Variants in KANSL3 observed in about 807,000 individuals in gnomAD.
KANSL3 encodes KAT8 regulatory NSL complex subunit 3.
KANSL3 carries 16 observed loss-of-function variants against 89.2 expected under a neutral mutation model. The observed-to-expected ratio is 0.18, with a 90% CI of 0.12 to 0.27. The LOEUF is 0.27. KANSL3 is among the 10% of genes least tolerant of loss of function. The pLI is 1.00. For missense variants in KANSL3, 879 were observed against 1,110.6 expected (o/e 0.79, Z 2.96); for synonymous variants, 385 against 419.7 (o/e 0.92, Z 1.01).
rs1411044211 is a variant in KANSL3 at position 96,602,809 on chromosome 2, T to C, written c.2203A>G (p.Ile735Val). The C allele has an allele frequency of 6.2e-7, 1 of 1,613,016 alleles. No homozygotes were observed. Among genetic ancestry groups the C allele is most frequent in the Non-Finnish European group, 8.5e-7 (1 of 1,179,404 alleles). Residue 735 changes from isoleucine (I) to valine (V), a missense_variant, in exon 18 of 21, where the codon ATC (isoleucine) becomes GTC (valine). This residue lies in a region of KANSL3 where 89 missense variants were observed against 139.7 expected (regional missense o/e 0.64). Coordinates refer to ENST00000431828, the MANE Select transcript of KANSL3 (RefSeq NM_001115016.3). Reference protein sequence around the residue: ...LQGLSFSLQDISSKTSGLPAN... With the variant: ...LQGLSFSLQDVSSKTSGLPAN... ...GGAAGGCCAGAGGTCTTGCTGCTGA[T>C]ATCCTGCAAGCTGAAGCTGAGGCCT...
intron 20 of KANSL3, among the ~76,000 whole-genome samples, chr2:96,596,168 GAAGC>G (rs1483557176): frequency 6.6e-6 from 1 of 152,212 alleles, no homozygotes; most frequent in Non-Finnish European, 1.5e-5. Flanking sequence ...TAAGAATAAG[GAAGC>G]AAGTAGAGAG....
intron 19 of KANSL3, 72 bp from the exon 20 acceptor site, chr2:96,601,848 G>T: frequency 6.8e-7 from 1 of 1,476,430 alleles, no homozygotes; most frequent in South Asian, 1.4e-5. Flanking sequence ...TCCTTTCCTG[G>T]AGAGCTTCTC....
chr2:96,616,416 C>T (rs1244048697), intron 5 of KANSL3, among the ~76,000 whole-genome samples: 1 of 152,196 alleles, frequency 6.6e-6, no homozygotes. Context: ...TTCCCTGGCC[C>T]TTCCAGCATT....
In KANSL3 at chr2:96,608,652, C is replaced by T. The variant is rs2068372482; in HGVS notation, c.1597G>A (p.Val533Met). The T allele has an allele frequency of 6.2e-7, 1 of 1,613,896 alleles. No homozygotes were observed. The highest frequency in any genetic ancestry group is 1.3e-5 in the African/African-American group (1 of 74,912). Residue 533 changes from valine (V) to methionine (M), a missense_variant, in exon 14 of 21, where the codon GTG becomes ATG. Val to Met is a conservative substitution (Grantham distance 21, BLOSUM62 1). This residue lies in a region of KANSL3 where 317 missense variants were observed against 311.2 expected (regional missense o/e 1.02). Coordinates refer to ENST00000431828, the MANE Select transcript of KANSL3 (RefSeq NM_001115016.3). ...GGACTGGAGGTGGGGCTGCTGGACA[C>T]ACTGGAGAGATCCTGAGTAAGGTGA... The part of the protein sequence containing the change: ...SPSGSEDLSS[V>M]SSSPTSSPKT...
chr2:96,634,146 T>C (rs576181360), intron 2 of KANSL3: 3 of 152,272 alleles, frequency 2.0e-5, no homozygotes, highest in Non-Finnish European at 4.4e-5. Context: ...GGAATGCACA[T>C]ACCTTAGCTA....
At position 96,611,111 on chromosome 2, in the gene KANSL3, C is replaced by T. The variant is rs770266510; in HGVS notation, c.1114G>A (p.Val372Ile). 1.2e-6 allele frequency: 2 copies of T among 1,614,016 alleles called. No individual in the cohort carries two copies. The highest frequency in any genetic ancestry group is 1.7e-6 in the Non-Finnish European group (2 of 1,179,846). The change falls in exon 10 of 21, where the codon GTT (valine) becomes ATT (isoleucine). Residue 372 changes from valine to isoleucine, a missense_variant. Coordinates refer to ENST00000431828, the MANE Select transcript of KANSL3 (RefSeq NM_001115016.3). Reference sequence around the variant, plus strand: ...AGCAGAGGAAACCCAAGGCAGACAACTGCAGTGACATACTCCATTACTGAC... The same window carrying T: ...AGCAGAGGAAACCCAAGGCAGACAATTGCAGTGACATACTCCATTACTGAC... ...HVSVMEYVTA[V>I]VCLGFPLLTV...
At chr2:96,613,754 G>T in intron 5 of KANSL3, 135 bp from the exon 6 acceptor site, 1 of 678,862 alleles carries the variant, frequency 1.5e-6, no homozygotes, top group Non-Finnish European at 2.4e-6. Flanking sequence ...ACCTCCTAAG[G>T]ATCAAGAATA....
chr2:96,607,032 A>G (rs1226165057), intron 14 of KANSL3: 1 of 1,289,536 alleles, frequency 7.8e-7, no homozygotes, highest in East Asian at 5.6e-5. Flanking sequence ...TTGTTTCAGA[A>G]AAGCAGCAAA....
the KANSL3 span, among the ~76,000 whole-genome samples, chr2:96,581,371 C>T: frequency 6.6e-6 from 1 of 151,670 alleles, no homozygotes. Flanking sequence ...TTGCAGTGAG[C>T]CAAGATCATG....
In KANSL3 at chr2:96,593,333, G is replaced by A; in HGVS notation, c.*2278C>T. ...CTCAAAACACAAGGACATCTCCATA[G>A]GGCATCAACATGCATCTGTCATCCA... On this transcript the variant is annotated 3_prime_UTR_variant, in exon 21 of 21. Coordinates refer to ENST00000431828, the MANE Select transcript of KANSL3 (RefSeq NM_001115016.3). 1 of 455,942 alleles carries A rather than the reference G, an allele frequency of 2.2e-6. No homozygotes were observed. Among genetic ancestry groups the A allele is most frequent in the East Asian group, 6.9e-5 (1 of 14,400 alleles). 28.2% of individuals were successfully genotyped at this position (455,942 alleles called of 1,614,324 possible). A position where few individuals can be genotyped will look rare whatever the true frequency, so the allele number is the denominator to read the frequency against.
chr2:96,600,849 G>C (rs1573288671), intron 20 of KANSL3: 1 of 985,396 alleles, frequency 1.0e-6, no homozygotes, highest in Non-Finnish European at 1.2e-6. Flanking sequence ...TAAATGCTAA[G>C]ATATGGGAAG....
chr2:96,619,051 C>G (rs1176949682), intron 5 of KANSL3, among the ~76,000 whole-genome samples: 2 of 152,296 alleles, frequency 1.3e-5, no homozygotes, highest in African/African-American at 4.8e-5. Context: ...CCTGGTAAAC[C>G]CTTCGTCTCC....
At chr2:96,601,977 C>G in intron 19 of KANSL3, 139 bp downstream of exon 19, 1 of 1,165,240 alleles carries the variant, frequency 8.6e-7, no homozygotes, top group South Asian at 1.6e-5. Flanking sequence ...GGGATGGGTC[C>G]ACACAGCTGA....
intron 3 of KANSL3, chr2:96,628,290 A>C: frequency 1.0e-6 from 1 of 981,826 alleles, no homozygotes; most frequent in Non-Finnish European, 1.2e-6. Context: ...TTTCCTGCTG[A>C]GAACAGACAC....
At chr2:96,607,535 G>A (rs1444183058) in intron 14 of KANSL3, among the ~76,000 whole-genome samples, 4 of 152,154 alleles carry the variant, frequency 2.6e-5, no homozygotes, top group Non-Finnish European at 5.9e-5. Flanking sequence ...CTGTCCACAC[G>A]GGACTTGGCT....
rs2105409438 is a variant in KANSL3 at position 96,610,719 on chromosome 2, C to T, written c.1319+7G>A. ...GCTCTCTTGCAGCTCTGGGAGAATC[C>T]ACCCACCTGAGATTGTCATCAGCTC... is the stretch of plus-strand genomic sequence containing the variant. On this transcript the variant is annotated splice_region_variant and intron_variant, in intron 11 of 20. Transcript: ENST00000431828. 3 of 1,613,550 alleles carry T rather than the reference C, an allele frequency of 1.9e-6. No homozygotes were observed. The highest frequency in any genetic ancestry group is 2.5e-6 in the Non-Finnish European group (3 of 1,179,730).
Position 96,602,289 on chromosome 2 carries a change from G to T in KANSL3, c.2309C>A (p.Thr770Asn). ...ACGGACAATGGTGCTGGTGCCCGTG[G>T]TGATGGCACCCAGGCTCTGCATGGG... ...PTPMQSLGAI[T>N]TGTSTIVRTI... is the part of the protein sequence containing the mutation. Residue 770 changes from threonine (T) to asparagine (N), a missense_variant, in exon 19 of 21, where the codon ACC (threonine) becomes AAC (asparagine). Coordinates refer to ENST00000431828, the MANE Select transcript of KANSL3 (RefSeq NM_001115016.3). 1 of 1,612,446 alleles carries T rather than the reference G, an allele frequency of 6.2e-7. No homozygotes were observed. The highest frequency in any genetic ancestry group is 8.5e-7 in the Non-Finnish European group (1 of 1,179,404).
chr2:96,616,872 G>A (rs537357060), intron 5 of KANSL3, among the ~76,000 whole-genome samples: 1 of 152,256 alleles, frequency 6.6e-6, no homozygotes, highest in African/African-American at 2.4e-5. Flanking sequence ...CATGCACCCA[G>A]GAGATGTCCA....
At chr2:96,631,234 T>C in intron 3 of KANSL3, 78 bp downstream of exon 3, 1 of 1,023,522 alleles carries the variant, frequency 9.8e-7, no homozygotes, top group South Asian at 1.4e-5. Context: ...TGAAATAAGG[T>C]CCTAATAAGT....
Sources: allele counts gnomAD v4.1 joint callset (sites outside exome capture counted in the v4.1 genomes callset), GRCh38; gene constraint gnomAD v4.1.1; regional missense constraint gnomAD v4.1.1; transcripts MANE v1.5; gene names NCBI Gene and HGNC (gene_info 2026-07-23, HGNC 2026-07-21).